The following PCDHGA4 variants were observed in gnomAD, a reference collection of about 807,000 sequenced individuals.
PCDHGA4 encodes the protein protocadherin gamma subfamily A, 4, also known as protocadherin gamma-A4.
PCDHGA4 carries 38 observed loss-of-function variants against 54.6 expected under a neutral mutation model. The ratio of observed to expected loss-of-function variants is 0.70; its 90% confidence interval spans 0.54 to 0.91. The LOEUF is 0.91. PCDHGA4 is among the 40% of genes least tolerant of loss of function. The pLI is 0.00. For synonymous variants in PCDHGA4, 511 were observed against 512.9 expected, an observed-to-expected ratio of 1.00 and a Z score of 0.05; for missense variants, 1,298 against 1,220.9, an observed-to-expected ratio of 1.06 and a Z score of -0.94.
chr5:141,407,985 A>G, intron 1 of PCDHGA4: 1 of 789,616 alleles, frequency 1.3e-6, no homozygotes, highest in Non-Finnish European at 1.9e-6. Flanking sequence ...GGGATCCGTC[A>G]GCCTCTGGCC....
intron 1 of PCDHGA4, chr5:141,374,262 C>T (rs369097101): frequency 6.2e-7 from 1 of 1,613,942 alleles, no homozygotes; most frequent in Non-Finnish European, 8.5e-7. Flanking sequence ...CAGGAGTTGG[C>T]GGAGCACGGA....
intron 1 of PCDHGA4, among the ~76,000 whole-genome samples, chr5:141,443,771 A>G (rs1031470429): frequency 9.2e-5 from 14 of 152,238 alleles, no homozygotes; most frequent in African/African-American, 3.1e-4. Context: ...ATACAATATT[A>G]CCAAAAAGAC....
At chr5:141,428,255 G>C in intron 1 of PCDHGA4, 1 of 875,580 alleles carries the variant, frequency 1.1e-6, no homozygotes, top group Non-Finnish European at 1.8e-6. Flanking sequence ...CCAGACTTCA[G>C]TGACAGTCCT....
intron 1 of PCDHGA4, chr5:141,384,840 G>C: frequency 6.2e-7 from 1 of 1,613,610 alleles, no homozygotes; most frequent in African/African-American, 1.3e-5. Flanking sequence ...TGGCCGTCCA[G>C]GACCACGGTC....
At chr5:141,478,236 T>C (rs2099440813) in intron 1 of PCDHGA4, 3 of 1,614,156 alleles carry the variant, frequency 1.9e-6, no homozygotes, top group Non-Finnish European at 2.5e-6. Flanking sequence ...GGGTTTGTGG[T>C]CACAGTGTTC....
chr5:141,485,797 C>T lies in PCDHGA4; in HGVS notation c.2515-9010C>T. 1 of 1,614,228 alleles carries T rather than the reference C, an allele frequency of 6.2e-7. No homozygotes were observed. Among genetic ancestry groups the T allele is most frequent in the South Asian group, 1.1e-5 (1 of 91,092 alleles). On this transcript the variant is annotated intron_variant, in intron 1 of 3. Coordinates refer to ENST00000571252, the MANE Select transcript of PCDHGA4 (RefSeq NM_018917.4). This position sits in a 1 kb window ranked among gnomAD's most constrained non-coding sequence, Gnocchi z 5.7. ...TGGATCGAGAGAAGCAATCGGACTACCGCCTGGTGCTGACTGCTGTCGATG... is the reference window on the plus strand; with the variant it reads ...TGGATCGAGAGAAGCAATCGGACTATCGCCTGGTGCTGACTGCTGTCGATG...
Position 141,357,280 on chromosome 5 carries a change from G to A in PCDHGA4, c.2173G>A (p.Val725Met), listed in dbSNP as rs375096659. The change falls in exon 1 of 4, where the codon GTG becomes ATG. Residue 725 changes from valine to methionine, a missense_variant. Coordinates refer to ENST00000571252, the MANE Select transcript of PCDHGA4 (RefSeq NM_018917.4). ...CGACTCGGGCCTCACACTCTATCTC[G>A]TGGTGGCAGTGGCCGCTGTCTCCTG... ...PDDSGLTLYL[V>M]VAVAAVSCVF... The A allele has an allele frequency of 4.3e-6, 7 of 1,613,820 alleles. No homozygotes were observed. The highest frequency in any genetic ancestry group is 2.7e-5 in the African/African-American group (2 of 74,922).
chr5:141,488,502 C>T (rs989368385), intron 1 of PCDHGA4, among the ~76,000 whole-genome samples: 2 of 152,146 alleles, frequency 1.3e-5, no homozygotes, highest in Non-Finnish European at 2.9e-5. Context: ...ACACTCATTC[C>T]ACATTTGGGG....
chr5:141,376,204 C>A lies in PCDHGA4; in HGVS notation c.2514+18583C>A, dbSNP rs185484474. 2.5e-6 allele frequency: 4 copies of A among 1,614,198 alleles called. No individual in the cohort carries two copies. In the African/African-American group the frequency reaches 5.3e-5, roughly 22 times the overall value. On this transcript the variant is annotated intron_variant, in intron 1 of 3. Coordinates refer to ENST00000571252, the MANE Select transcript of PCDHGA4 (RefSeq NM_018917.4). The stretch of plus-strand genomic sequence containing the variant: ...CGGTCTCCTGCGTCTTCCTGGCCTT[C>A]GTCATCGTGCTGCTGGCGCTCAGAC...
intron 1 of PCDHGA4, chr5:141,409,668 A>G: frequency 6.2e-7 from 1 of 1,613,398 alleles, no homozygotes; most frequent in Non-Finnish European, 8.5e-7. Context: ...CACATCTCCT[A>G]CTCTATAGTG....
intron 1 of PCDHGA4, chr5:141,409,124 G>T: frequency 6.2e-7 from 1 of 1,613,940 alleles, no homozygotes. Context: ...CCAGTCATTT[G>T]ATTTTGAAGA....
intron 1 of PCDHGA4, chr5:141,403,717 G>T: frequency 6.2e-7 from 1 of 1,613,936 alleles, no homozygotes; most frequent in Non-Finnish European, 8.5e-7. Flanking sequence ...TTGAGAACGT[G>T]CCCCCAGGCA....
At chr5:141,385,211 C>T (rs1781001155) in intron 1 of PCDHGA4, 1 of 1,614,082 alleles carries the variant, frequency 6.2e-7, no homozygotes, top group Admixed American at 1.7e-5. Flanking sequence ...CTGATCTTCC[C>T]CCAGCCCAAC....
Position 141,493,806 on chromosome 5 carries a change from T to C in PCDHGA4, c.2515-1001T>C, listed in dbSNP as rs1339302166. On this transcript the variant is annotated intron_variant, in intron 1 of 3. Coordinates refer to ENST00000571252, the MANE Select transcript of PCDHGA4 (RefSeq NM_018917.4). This position sits in a 1 kb window ranked among gnomAD's most constrained non-coding sequence, Gnocchi z 4.3. ...TCCTTCTCCCTGGAGTAATCTGAGA[T>C]ACTCACACTCTCTGCTTCTGGGAGC... is the stretch of plus-strand genomic sequence containing the variant. Among the ~76,000 whole-genome samples, 1 of 152,162 alleles carries C rather than the reference T, an allele frequency of 6.6e-6. No homozygotes were observed. The highest frequency in any genetic ancestry group is 1.5e-5 in the Non-Finnish European group (1 of 68,038).
At chr5:141,404,039 G>A in intron 1 of PCDHGA4, 1 of 1,613,750 alleles carries the variant, frequency 6.2e-7, no homozygotes, top group Non-Finnish European at 8.5e-7. Context: ...CGCACCTCAG[G>A]GAACAGTAAT....
intron 1 of PCDHGA4, chr5:141,492,055 G>C (rs1335131646): frequency 4.1e-6 from 2 of 493,506 alleles, no homozygotes; most frequent in Non-Finnish European, 7.1e-6. Flanking sequence ...CACCCCTGCA[G>C]CCAGCCTCCT....
At chr5:141,403,136 C>G in intron 1 of PCDHGA4, 1 of 1,614,006 alleles carries the variant, frequency 6.2e-7, no homozygotes. Flanking sequence ...GCTGGCGGAG[C>G]GCCGAGTCCG....
chr5:141,395,788 C>A (rs1254748153), intron 1 of PCDHGA4: 2 of 152,198 alleles, frequency 1.3e-5, no homozygotes, highest in African/African-American at 4.8e-5. Context: ...AACTTTAATA[C>A]TTCTTACCAT....
At chr5:141,461,013 C>G (rs981329088) in intron 1 of PCDHGA4, among the ~76,000 whole-genome samples, 2 of 148,522 alleles carry the variant, frequency 1.3e-5, no homozygotes, top group Non-Finnish European at 3.0e-5. Flanking sequence ...ATATATATAC[C>G]ACATTTTCTT....
Sources: gnomAD v4.1 joint callset for allele counts (sites outside exome capture counted in the v4.1 genomes callset) on GRCh38, gnomAD v4.1.1 for gene constraint, Gnocchi (gnomAD v3.1) non-coding constraint, MANE v1.5 for transcripts, NCBI Gene and HGNC (gene_info 2026-07-23, HGNC 2026-07-21) for gene names.